The following GASK1A variants were observed in gnomAD, a reference collection of about 807,000 sequenced individuals.
GASK1A encodes golgi associated kinase 1A, also known as Golgi-associated kinase 1A.
Under a neutral mutation model 41.2 loss-of-function variants are expected in GASK1A, and 40 were observed. That is an observed-to-expected ratio of 0.97 (90% confidence interval 0.75 to 1.27). The LOEUF (loss-of-function observed/expected upper bound fraction) is 1.27, where lower values mean the gene tolerates loss of function less well. GASK1A is among the 50% of genes most tolerant of loss of function. GASK1A has a pLI of 0.00. For missense variants in GASK1A, 678 were observed against 745.1 expected, an observed-to-expected ratio of 0.91 and a Z score of 1.05; for synonymous variants, 316 against 307.1, an observed-to-expected ratio of 1.03 and a Z score of -0.30.
chr3:43,039,467 T>G (rs2089624583), intron 2 of GASK1A, among the ~76,000 whole-genome samples: 1 of 152,198 alleles, frequency 6.6e-6, no homozygotes, highest in Admixed American at 6.5e-5. Context: ...CTTCCCAAAG[T>G]GCTGGAATTA....
chr3:43,029,220 C>T (rs2089562516), intron 1 of GASK1A, among the ~76,000 whole-genome samples: 1 of 151,986 alleles, frequency 6.6e-6, no homozygotes, highest in Non-Finnish European at 1.5e-5. Flanking sequence ...CTCAGAGCTG[C>T]AAGGGAGGCT....
chr3:43,020,294 C>A (rs768304304), intron 1 of GASK1A, among the ~76,000 whole-genome samples: 21 of 152,218 alleles, frequency 1.4e-4, no homozygotes, highest in Non-Finnish European at 2.9e-4. Context: ...GTTTCTCAAG[C>A]TGTCTCTGTG....
chr3:43,019,111 T>C (rs574197378), intron 1 of GASK1A, among the ~76,000 whole-genome samples: 5 of 152,358 alleles, frequency 3.3e-5, no homozygotes, highest in African/African-American at 1.2e-4. Flanking sequence ...GTCTCAGACA[T>C]GTAGTGAATG....
intron 2 of GASK1A, among the ~76,000 whole-genome samples, chr3:43,034,616 A>G (rs148905333): frequency 6.4e-4 from 97 of 152,354 alleles, no homozygotes; most frequent in African/African-American, 2.1e-3. Flanking sequence ...AGGGTCCTCA[A>G]TGTCAGCCCT....
intron 1 of GASK1A, among the ~76,000 whole-genome samples, chr3:42,982,878 G>A (rs937176306): frequency 3.3e-5 from 5 of 152,200 alleles, no homozygotes; most frequent in Non-Finnish European, 5.9e-5. Flanking sequence ...GAGTCCCAGG[G>A]GAGCCCACAT....
At position 43,033,573 on chromosome 3, in the gene GASK1A, AG is replaced by A. The variant is rs2089591087; in HGVS notation, c.1290+24del. On this transcript the variant is annotated intron_variant, in intron 2 of 4. Transcript: ENST00000430121. ...TTGCAGGTAGGTGGGGTTGGGCAGC[AG>A]GGGTAGAGAGCTGCGGAGGTAGGGG... 2.0e-6 allele frequency: 3 copies of A among 1,504,484 alleles called. No individual in the cohort carries two copies. The highest frequency in any genetic ancestry group is 4.1e-5 in the Admixed American group (2 of 48,400). 93.2% of individuals were successfully genotyped at this position (1,504,484 alleles called of 1,614,324 possible).
At chr3:43,046,012 C>A (rs1268925349) in intron 2 of GASK1A, among the ~76,000 whole-genome samples, 4 of 152,180 alleles carry the variant, frequency 2.6e-5, no homozygotes, top group African/African-American at 9.7e-5. Context: ...ATTCCTCAGT[C>A]TTGGGCAGCT....
chr3:43,044,535 T>C (rs2089652761), intron 2 of GASK1A, among the ~76,000 whole-genome samples: 1 of 152,158 alleles, frequency 6.6e-6, no homozygotes, highest in African/African-American at 2.4e-5. Flanking sequence ...CACCTCCCCA[T>C]TTTGTTGATG....
chr3:42,985,510 G>A (rs889304808), intron 1 of GASK1A, among the ~76,000 whole-genome samples: 1 of 151,806 alleles, frequency 6.6e-6, no homozygotes, highest in African/African-American at 2.4e-5. Context: ...CCCTGCTTCT[G>A]AGGAGTACAC....
chr3:42,987,395 A>C (rs615462), intron 1 of GASK1A, among the ~76,000 whole-genome samples: 115,019 of 152,052 alleles, frequency 0.76, 44,200 homozygotes, highest in East Asian at 0.96. Flanking sequence ...GTACTGATAA[A>C]GCCTGGTACT....
At chr3:43,025,217 G>C (rs897143550) in intron 1 of GASK1A, among the ~76,000 whole-genome samples, 1 of 152,116 alleles carries the variant, frequency 6.6e-6, no homozygotes, top group Admixed American at 6.5e-5. Flanking sequence ...TAAAGAAGAG[G>C]GTGCCTGGGC....
chr3:43,002,187 G>A (rs1487799712), intron 1 of GASK1A, among the ~76,000 whole-genome samples: 1 of 152,162 alleles, frequency 6.6e-6, no homozygotes, highest in East Asian at 1.9e-4. Flanking sequence ...AAGACAAACC[G>A]ACAGTCGCAG....
At chr3:42,985,642 A>G (rs980703398) in intron 1 of GASK1A, among the ~76,000 whole-genome samples, 6 of 151,548 alleles carry the variant, frequency 4.0e-5, no homozygotes, top group Non-Finnish European at 8.8e-5. Context: ...AGGGAAGCAC[A>G]AGGAAATGCT....
rs1457739233 is a variant in GASK1A at position 42,998,048 on chromosome 3, G to C, written c.3+18403G>C. ...TGCCATAGGTTGAGGGCTGCTCCTGGGGGTATTAGCGTCCCAGCAGGCACA... is the reference window on the plus strand; with the variant it reads ...TGCCATAGGTTGAGGGCTGCTCCTGCGGGTATTAGCGTCCCAGCAGGCACA... On this transcript the variant is annotated intron_variant, in intron 1 of 4. Coordinates refer to ENST00000430121, the MANE Select transcript of GASK1A (RefSeq NM_001129908.3). Among the ~76,000 whole-genome samples, 2 of 152,164 alleles carry C rather than the reference G, an allele frequency of 1.3e-5. 1 individual carries two copies. Among genetic ancestry groups the C allele is most frequent in the Admixed American group, 1.3e-4 (2 of 15,278 alleles).
rs2089717842 is a variant in GASK1A at position 43,056,632 on chromosome 3, A to G, written c.*246A>G. The G allele has an allele frequency of 2.4e-6, 1 of 419,190 alleles. No individual in the cohort carries two copies. Among genetic ancestry groups the G allele is most frequent in the African/African-American group, 2.0e-5 (1 of 51,184 alleles). The allele number at this position is 419,190 out of a possible 1,614,324, so 26.0% of individuals were successfully genotyped here. On this transcript the variant is annotated 3_prime_UTR_variant, in exon 5 of 5. Coordinates refer to ENST00000430121, the MANE Select transcript of GASK1A (RefSeq NM_001129908.3). ...CAAATACATTCGAAAATGTTCTGTG[A>G]GCTGCTCAAGAAACTGTAAAAATGT...
intron 2 of GASK1A, among the ~76,000 whole-genome samples, chr3:43,049,154 T>A (rs1015870255): frequency 1.3e-5 from 2 of 152,118 alleles, no homozygotes; most frequent in African/African-American, 4.8e-5. Flanking sequence ...GCAGGGAAGA[T>A]TGATTCTCTT....
intron 1 of GASK1A, among the ~76,000 whole-genome samples, chr3:43,021,044 C>T (rs899533727): frequency 3.0e-4 from 46 of 152,144 alleles, no homozygotes; most frequent in African/African-American, 1.0e-3. Context: ...CTGCACTTCC[C>T]GGTTGAGAGC....
intron 2 of GASK1A, among the ~76,000 whole-genome samples, chr3:43,048,861 C>A (rs1335044126): frequency 1.3e-5 from 2 of 152,114 alleles, no homozygotes; most frequent in Non-Finnish European, 2.9e-5. Context: ...GTTTCAGAAC[C>A]CAAGTGTGTT....
chr3:42,983,994 TA>T (rs932333378), intron 1 of GASK1A, among the ~76,000 whole-genome samples: 1 of 152,130 alleles, frequency 6.6e-6, no homozygotes, highest in African/African-American at 2.4e-5. Flanking sequence ...ATCCTTCCAA[TA>T]GGTCTGGGAG....
Sources: allele counts gnomAD v4.1 joint callset (sites outside exome capture counted in the v4.1 genomes callset), GRCh38; gene constraint gnomAD v4.1.1; transcripts MANE v1.5; gene names NCBI Gene and HGNC (gene_info 2026-07-23, HGNC 2026-07-21).